KANK1: variants seen among roughly 807,000 people sequenced by gnomAD.
The protein encoded by KANK1 is KN motif and ankyrin repeat domain-containing protein 1.
KANK1 carries 109 observed loss-of-function variants against 106.2 expected under a neutral mutation model. That is an observed-to-expected ratio of 1.03 (90% CI 0.88 to 1.20). The LOEUF is 1.20. Among genes scored for constraint, KANK1 ranks in the 50% most tolerant of loss-of-function variants. The pLI is 0.00. For missense variants in KANK1, 2,399 were observed against 1,710.7 expected, an observed-to-expected ratio of 1.40 and a Z score of -7.10; for synonymous variants, 873 against 652.2, an observed-to-expected ratio of 1.34 and a Z score of -5.16.
rs12346376 is a variant in KANK1 at position 508,541 on chromosome 9, G to C, written c.-84+3787G>C. The stretch of plus-strand genomic sequence containing the variant: ...GAACCAAAATATTGCCAGCATTGCA[G>C]AAGTGCCCCTATACTCTTGTCCAAT... On this transcript the variant is annotated intron_variant, in intron 1 of 11. Transcript: ENST00000382297. Among the ~76,000 whole-genome samples, 13 of 151,912 alleles carry C rather than the reference G, an allele frequency of 8.6e-5. 2 individuals are homozygous for C. The highest frequency in any genetic ancestry group is 2.9e-4 in the African/African-American group (12 of 41,178).
chr9:490,218 ACAGT>A (rs2058354940), intron 3 of KANK1, among the ~76,000 whole-genome samples: 3 of 152,226 alleles, frequency 2.0e-5, no homozygotes, highest in African/African-American at 4.8e-5. Flanking sequence ...AAACAAATAG[ACAGT>A]CAGGCACAGC....
intron 1 of KANK1, among the ~76,000 whole-genome samples, chr9:625,142 G>C (rs1834052715): frequency 6.6e-6 from 1 of 152,158 alleles, no homozygotes; most frequent in African/African-American, 2.4e-5. Context: ...TCTCTTATTT[G>C]GCAGCGAATT....
At chr9:475,576 T>C (rs1294269703) in intron 3 of KANK1, among the ~76,000 whole-genome samples, 1 of 152,224 alleles carries the variant, frequency 6.6e-6, no homozygotes, top group Non-Finnish European at 1.5e-5. Context: ...TGGGGAGTTA[T>C]GCCCTACAAA....
rs1048337027 is a variant in KANK1 at position 515,962 on chromosome 9, A to G, written c.-84+11208A>G. ...CCTTTAGCTTTTATTCTGGGCACCT[A>G]TTTTATCCTCTCAGTTGTTTCTTTT... is the stretch of plus-strand genomic sequence containing the variant. On this transcript the variant is annotated intron_variant, in intron 1 of 11. Transcript: ENST00000382297. Among the ~76,000 whole-genome samples the G allele has an allele frequency of 6.6e-5, 10 of 151,858 alleles. No individual in the cohort carries two copies. The East Asian group carries it at 7.7e-4, about 12-fold the overall frequency.
intron 1 of KANK1, among the ~76,000 whole-genome samples, chr9:637,354 G>C (rs182720944): frequency 1.3e-5 from 2 of 152,160 alleles, no homozygotes; most frequent in East Asian, 1.9e-4. Context: ...ATGGAGGGTA[G>C]GGTGGCACTT....
At chr9:650,158 C>T (rs1840565434) in intron 1 of KANK1, among the ~76,000 whole-genome samples, 1 of 152,204 alleles carries the variant, frequency 6.6e-6, no homozygotes, top group Admixed American at 6.5e-5. Context: ...CATTGCAGGG[C>T]AGCTTGCAAA....
At chr9:685,820 A>C (rs1193725837) in intron 2 of KANK1, among the ~76,000 whole-genome samples, 3 of 152,196 alleles carry the variant, frequency 2.0e-5, no homozygotes, top group Non-Finnish European at 4.4e-5. Context: ...TTAGTCTCAC[A>C]ATATTTGGTT....
chr9:508,514 A>G (rs891732501), intron 1 of KANK1, among the ~76,000 whole-genome samples: 3 of 152,226 alleles, frequency 2.0e-5, no homozygotes, highest in African/African-American at 7.2e-5. Flanking sequence ...TACTCACGGA[A>G]AGAACCAAAA....
intron 1 of KANK1, among the ~76,000 whole-genome samples, chr9:532,557 G>T (rs1486828563): frequency 1.3e-5 from 2 of 151,388 alleles, no homozygotes; most frequent in African/African-American, 2.4e-5. Context: ...TCCAGCCCCT[G>T]GTAACAACCA....
chr9:567,840 A>T (rs1818189295), intron 1 of KANK1, among the ~76,000 whole-genome samples: 3 of 152,208 alleles, frequency 2.0e-5, no homozygotes, highest in African/African-American at 7.2e-5. Context: ...ACGTTCTTGC[A>T]GTATAGAAGT....
intron 3 of KANK1, among the ~76,000 whole-genome samples, chr9:726,532 G>A (rs549555699): frequency 1.3e-5 from 2 of 152,138 alleles, no homozygotes; most frequent in Admixed American, 1.3e-4. Context: ...CCAGCTACTC[G>A]GGAGGCTGAG....
intron 3 of KANK1, among the ~76,000 whole-genome samples, chr9:718,824 A>ATCAAAGCT: frequency 6.6e-6 from 1 of 152,150 alleles, no homozygotes; most frequent in East Asian, 1.9e-4. Context: ...TTTCTCCTCT[A>ATCAAAGCT]TCAAAGCTAC....
At chr9:570,660 C>T (rs114488355) in intron 1 of KANK1, among the ~76,000 whole-genome samples, 539 of 152,294 alleles carry the variant, frequency 3.5e-3, no homozygotes, top group African/African-American at 0.012. Flanking sequence ...CACTTGCCTC[C>T]AGTAACTTAC....
intron 1 of KANK1, among the ~76,000 whole-genome samples, chr9:579,736 A>G (rs1821539467): frequency 6.6e-6 from 1 of 152,182 alleles, no homozygotes; most frequent in Non-Finnish European, 1.5e-5. Context: ...AGTAGCTTGC[A>G]TAGATGGAAC....
intron 1 of KANK1, among the ~76,000 whole-genome samples, chr9:584,349 G>A (rs932053155): frequency 2.6e-5 from 4 of 152,046 alleles, no homozygotes; most frequent in South Asian, 2.1e-4. Context: ...AGTGGAAGGC[G>A]GTTCAACAAA....
At chr9:588,226 TC>T (rs1266318953) in intron 1 of KANK1, among the ~76,000 whole-genome samples, 1 of 152,226 alleles carries the variant, frequency 6.6e-6, no homozygotes, top group African/African-American at 2.4e-5. Flanking sequence ...ATTTCTTTTT[TC>T]TACAGCATCA....
chr9:660,109 GA>G, intron 1 of KANK1: 1 of 437,384 alleles, frequency 2.3e-6, no homozygotes, highest in Non-Finnish European at 4.5e-6. Flanking sequence ...GAAATGGCAG[GA>G]AGACCCTTAC....
At chr9:726,147 C>T (rs1431785860) in intron 3 of KANK1, among the ~76,000 whole-genome samples, 3 of 150,662 alleles carry the variant, frequency 2.0e-5, no homozygotes, top group Non-Finnish European at 4.4e-5. Flanking sequence ...ATTTTTTTTT[C>T]CCATGAGTCA....
At chr9:559,979 C>T (rs753022503) in intron 1 of KANK1, among the ~76,000 whole-genome samples, 4 of 152,258 alleles carry the variant, frequency 2.6e-5, no homozygotes, top group South Asian at 2.1e-4. Flanking sequence ...CATCCTTCTT[C>T]GTCTTAGAAG....
Sources: allele counts gnomAD v4.1 joint callset (sites outside exome capture counted in the v4.1 genomes callset), GRCh38; gene constraint gnomAD v4.1.1; transcripts MANE v1.5; gene names NCBI Gene and HGNC (gene_info 2026-07-23, HGNC 2026-07-21).